STAT1: variants seen among roughly 807,000 people sequenced by gnomAD.
STAT1 encodes the protein signal transducer and activator of transcription 1, also known as signal transducer and activator of transcription 1-alpha/beta.
A neutral mutation model predicts 111.7 loss-of-function variants in STAT1; 24 were observed. The ratio of observed to expected loss-of-function variants is 0.21; its 90% CI spans 0.16 to 0.30. STAT1 has a LOEUF of 0.30. STAT1 is among the 10% of genes least tolerant of loss of function. The pLI is 1.00. For missense variants in STAT1, 351 were observed against 911.9 expected, an observed-to-expected ratio of 0.38 and a Z score of 7.92; for synonymous variants, 332 against 326.5, an observed-to-expected ratio of 1.02 and a Z score of -0.18.
intron 5 of STAT1, among the ~76,000 whole-genome samples, chr2:191,002,479 G>A (rs185474615): frequency 2.4e-4 from 37 of 152,240 alleles, no homozygotes; most frequent in East Asian, 2.3e-3. Context: ...TTCAGAAGTT[G>A]CCTCGCTACT....
chr2:190,984,392 C>G lies in STAT1; in HGVS notation c.1265G>C (p.Gly422Ala). The G allele has an allele frequency of 6.2e-7, 1 of 1,612,262 alleles. No homozygotes were observed. The highest frequency in any genetic ancestry group is 8.5e-7 in the Non-Finnish European group (1 of 1,178,420). ...AAGCTCTTCAGTAACGATGAGAGGA[C>G]CCTTGGAAGAGAAAAGGAAAGAAGA... ...QKNAGTRTNE[G>A]PLIVTEELHS... is the part of the protein sequence containing the mutation. Residue 422 changes from glycine (G) to alanine (A), a missense_variant and splice_region_variant, in exon 16 of 25, where the codon GGT becomes GCT. By Grantham distance (60) the Gly-to-Ala change is moderately conservative (BLOSUM62 0). This residue lies in a region of STAT1 where 181 missense variants were observed against 426.1 expected (regional missense o/e 0.42). Coordinates refer to ENST00000361099, the MANE Select transcript of STAT1 (RefSeq NM_007315.4). The surrounding 1 kb of genome is among the most constrained non-coding windows in gnomAD (Gnocchi z 5.2).
intron 10 of STAT1, among the ~76,000 whole-genome samples, chr2:190,992,460 T>C (rs1351152742): frequency 2.0e-5 from 3 of 151,938 alleles, no homozygotes; most frequent in Non-Finnish European, 4.4e-5. Context: ...GTTAGCTGTC[T>C]TGAGTCAAGA....
intron 14 of STAT1, 29 bp from the exon 15 acceptor site, chr2:190,985,689 C>G: frequency 6.2e-7 from 1 of 1,611,554 alleles, no homozygotes; most frequent in African/African-American, 1.3e-5. Flanking sequence ...TCTTAGTAAA[C>G]ACCATGGTAA....
In STAT1 at chr2:190,998,137, T is replaced by C; in HGVS notation, c.633+80A>G. 6.4e-7 allele frequency: 1 copy of C among 1,562,856 alleles called. No homozygotes were observed. The highest frequency in any genetic ancestry group is 8.8e-7 in the Non-Finnish European group (1 of 1,136,460). ...GCTCTAAGCCAGGTGGCTATAATTT[T>C]TCCTCTCTTCTAAACTTTGAGTCCA... On this transcript the variant is annotated intron_variant, in intron 8 of 24. Coordinates refer to ENST00000361099, the MANE Select transcript of STAT1 (RefSeq NM_007315.4). The surrounding 1 kb of genome is among the most constrained non-coding windows in gnomAD (Gnocchi z 4.1).
Position 191,009,909 on chromosome 2 carries a change from T to C in STAT1, c.95A>G (p.Gln32Arg). 1 of 1,614,060 alleles carries C rather than the reference T, an allele frequency of 6.2e-7. No homozygotes were observed. Among genetic ancestry groups the C allele is most frequent in the Non-Finnish European group, 8.5e-7 (1 of 1,179,918 alleles). ...YDDSFPMEIRQYLAQWLEKQD... is the reference protein window; with the variant it reads ...YDDSFPMEIRRYLAQWLEKQD... ...CTTTTCTAACCACTGTGCCAGGTACTGTCTGATTTCCATGGGAAAACTGTC... is the reference window on the plus strand; with the variant it reads ...CTTTTCTAACCACTGTGCCAGGTACCGTCTGATTTCCATGGGAAAACTGTC... The change falls in exon 3 of 25, where the codon CAG becomes CGG. Residue 32 changes from glutamine to arginine, a missense_variant. By Grantham distance (43) the Gln-to-Arg change is conservative (BLOSUM62 1). Transcript: ENST00000361099.
chr2:191,011,622 CA>C (rs1245114754), intron 2 of STAT1, among the ~76,000 whole-genome samples: 1 of 152,040 alleles, frequency 6.6e-6, no homozygotes, highest in African/African-American at 2.4e-5. Context: ...ATATAATTCC[CA>C]TGTGTTAAGG....
At position 191,000,857 on chromosome 2, in the gene STAT1, C is replaced by T. The variant is rs1375579083; in HGVS notation, c.462+217G>A. On this transcript the variant is annotated intron_variant, in intron 6 of 24. Transcript: ENST00000361099. This position sits in a 1 kb window ranked among gnomAD's most constrained non-coding sequence, Gnocchi z 4.8. ...ATCTTTCAGGGAAGAAAAAGCTAAA[C>T]TCAATGTTTGGCAGTTATAAGAGGC... Among the ~76,000 whole-genome samples, 1 of 152,156 alleles carries T rather than the reference C, an allele frequency of 6.6e-6. No individual in the cohort carries two copies. The highest frequency in any genetic ancestry group is 2.4e-5 in the African/African-American group (1 of 41,440).
In STAT1 at chr2:190,975,692, G is replaced by A. The variant is rs1691854401; in HGVS notation, c.2135+120C>T. 2 of 1,540,886 alleles carry A rather than the reference G, an allele frequency of 1.3e-6. No homozygotes were observed. Among genetic ancestry groups the A allele is most frequent in the Non-Finnish European group, 1.7e-6 (2 of 1,144,730 alleles). On this transcript the variant is annotated intron_variant, in intron 23 of 24. Transcript: ENST00000361099. This position sits in a 1 kb window ranked among gnomAD's most constrained non-coding sequence, Gnocchi z 5.9. Reference sequence around the variant, plus strand: ...TAACACGGGGATCTCAACAAGTTCAGCTGTGATGGCGATAGCAATTACAAT... The same window carrying A: ...TAACACGGGGATCTCAACAAGTTCAACTGTGATGGCGATAGCAATTACAAT...
rs1280967257 is a variant in STAT1, at chr2:191,003,768, G to C, written c.373-2605C>G. Among the ~76,000 whole-genome samples, 3 of 152,122 alleles carry C rather than the reference G, an allele frequency of 2.0e-5. No individual in the cohort carries two copies. The highest frequency in any genetic ancestry group is 2.9e-5 in the Non-Finnish European group (2 of 68,024). The stretch of plus-strand genomic sequence containing the variant: ...ACCCAGTCTCAGGTATTTCTTTATA[G>C]CCATGCAAGAACAGACTAATACAAC... On this transcript the variant is annotated intron_variant, in intron 5 of 24. Transcript: ENST00000361099. The surrounding 1 kb of genome is among the most constrained non-coding windows in gnomAD (Gnocchi z 4.0).
chr2:190,982,272 A>T lies in STAT1; in HGVS notation c.1582+111T>A. The T allele has an allele frequency of 7.7e-7, 1 of 1,292,370 alleles. No individual in the cohort carries two copies. Among genetic ancestry groups the T allele is most frequent in the Non-Finnish European group, 1.1e-6 (1 of 896,884 alleles). The allele number at this position is 1,292,370 out of a possible 1,614,324, so 80.1% of individuals were successfully genotyped here. The stretch of plus-strand genomic sequence containing the variant: ...AAACTATAGCTTGAAAAGCTGACAG[A>T]TTTTAGTACTTTTTTACCTTTAACA... On this transcript the variant is annotated intron_variant, in intron 18 of 24. Transcript: ENST00000361099. This position sits in a 1 kb window ranked among gnomAD's most constrained non-coding sequence, Gnocchi z 7.3.
Position 190,976,754 on chromosome 2 carries a change from A to G in STAT1, c.2059+86T>C. On this transcript the variant is annotated intron_variant, in intron 22 of 24. Transcript: ENST00000361099. The surrounding 1 kb of genome is among the most constrained non-coding windows in gnomAD (Gnocchi z 6.0). ...CTACTCTTACCAATTCGAAAGCAAA[A>G]CACTGCATGGGTGGAGTTTCAGAAT... The G allele has an allele frequency of 8.1e-7, 1 of 1,234,156 alleles. No homozygotes were observed. The highest frequency in any genetic ancestry group is 1.7e-5 in the Admixed American group (1 of 57,542). The allele number at this position is 1,234,156 out of a possible 1,614,324, so 76.5% of individuals were successfully genotyped here. A position where few individuals can be genotyped will look rare whatever the true frequency, so the allele number is the denominator to read the frequency against.
rs1553491449 is a variant in STAT1, at chr2:190,971,704, T to TTTC, written c.2239-988_2239-987insGAA. On this transcript the variant is annotated intron_variant, in intron 24 of 24. Transcript: ENST00000361099. This position sits in a 1 kb window ranked among gnomAD's most constrained non-coding sequence, Gnocchi z 4.1. ...AGTCTAGCTTATGTTTCTCTTTTCT[T>TTTC]TTTCTTTCTTTTTTTTTTTCAAATT... Among the ~76,000 whole-genome samples the TTTC allele has an allele frequency of 6.8e-6, 1 of 146,708 alleles. No homozygotes were observed. The highest frequency in any genetic ancestry group is 1.5e-5 in the Non-Finnish European group (1 of 65,064).
rs1192132580 is a variant in STAT1 at position 190,981,298 on chromosome 2, C to T, written c.1583-629G>A. Among the ~76,000 whole-genome samples, 1 of 152,170 alleles carries T rather than the reference C, an allele frequency of 6.6e-6. No homozygotes were observed. The highest frequency in any genetic ancestry group is 1.9e-4 in the East Asian group (1 of 5,200). On this transcript the variant is annotated intron_variant, in intron 18 of 24. Transcript: ENST00000361099. This position sits in a 1 kb window ranked among gnomAD's most constrained non-coding sequence, Gnocchi z 4.1. ...TCAATGTAACTGATACTTGACTTTA[C>T]AAGTTTATTTTAGACATTATTTATG...
rs1220419590 is a variant in STAT1, at chr2:190,994,914, CA to C, written c.944+146del. On this transcript the variant is annotated intron_variant, in intron 10 of 24. Transcript: ENST00000361099. ...CTGGGTGATAGGTGAGACTCTATCT[CA>C]AAAAAAAAAAAAATATATATATATA... 4.7e-3 allele frequency: 457 copies of C among 97,236 alleles called. 6 individuals carry two copies. The highest frequency in any genetic ancestry group is 0.019 in the African/African-American group (369 of 19,870). The allele number at this position is 97,236 out of a possible 1,614,324, so 6.0% of individuals were successfully genotyped here. A position where few individuals can be genotyped will look rare whatever the true frequency, so the allele number is the denominator to read the frequency against.
rs1693898930 is a variant in STAT1 at position 190,996,893 on chromosome 2, T to G, written c.785+963A>C. 6.6e-6 allele frequency among the ~76,000 whole-genome samples: 1 copy of G among 152,196 alleles called. No homozygotes were observed. The highest frequency in any genetic ancestry group is 2.4e-5 in the African/African-American group (1 of 41,448). On this transcript the variant is annotated intron_variant, in intron 9 of 24. Transcript: ENST00000361099. The surrounding 1 kb of genome is among the most constrained non-coding windows in gnomAD (Gnocchi z 4.5). ...TGCTAATAGTATTCCAACTGGTCTT[T>G]CTGTCTCTATCCTATCCTCCAGGCT...
At position 190,993,134 on chromosome 2, in the gene STAT1, G is replaced by T; in HGVS notation, c.945-1814C>A. The stretch of plus-strand genomic sequence containing the variant: ...AGTTTCCAAAAACAGAATTCCAAGG[G>T]AATCAGCAAATTCCTTGGCTGTTGT... On this transcript the variant is annotated intron_variant, in intron 10 of 24. Transcript: ENST00000361099. The surrounding 1 kb of genome is among the most constrained non-coding windows in gnomAD (Gnocchi z 4.1). 2.3e-6 allele frequency: 1 copy of T among 429,168 alleles called. No homozygotes were observed. 26.6% of individuals were successfully genotyped at this position (429,168 alleles called of 1,614,324 possible).
intron 14 of STAT1, 100 bp from the exon 15 acceptor site, chr2:190,985,760 A>G: frequency 1.6e-6 from 2 of 1,270,782 alleles, no homozygotes; most frequent in Non-Finnish European, 2.3e-6. Flanking sequence ...AAAGAATGAC[A>G]GACGTGACTT....
Position 190,980,015 on chromosome 2 carries a change from G to A in STAT1, c.1633-149C>T. The A allele has an allele frequency of 1.5e-6, 1 of 667,512 alleles. No individual in the cohort carries two copies. The highest frequency in any genetic ancestry group is 1.7e-5 in the South Asian group (1 of 60,280). The allele number at this position is 667,512 out of a possible 1,614,324, so 41.3% of individuals were successfully genotyped here. A position where few individuals can be genotyped will look rare whatever the true frequency, so the allele number is the denominator to read the frequency against. ...AGCAATGGGATCCCTCCCCTGGCAG[G>A]GAATATCAAGTTCCCTCCCCGCTCT... On this transcript the variant is annotated intron_variant, in intron 19 of 24. Coordinates refer to ENST00000361099, the MANE Select transcript of STAT1 (RefSeq NM_007315.4). The surrounding 1 kb of genome is among the most constrained non-coding windows in gnomAD (Gnocchi z 6.1).
At chr2:191,001,042 A>C in intron 6 of STAT1, 32 bp downstream of exon 6, 1 of 1,539,098 alleles carries the variant, frequency 6.5e-7, no homozygotes, top group Non-Finnish European at 9.0e-7. Context: ...AGAAAGTTTC[A>C]GAATAAATGC....
Sources: allele counts gnomAD v4.1 joint callset (sites outside exome capture counted in the v4.1 genomes callset), GRCh38; gene constraint gnomAD v4.1.1; regional missense constraint gnomAD v4.1.1; non-coding constraint Gnocchi (gnomAD v3.1); transcripts MANE v1.5; gene names NCBI Gene and HGNC (gene_info 2026-07-23, HGNC 2026-07-21).